Variants in PUF60 observed in about 807,000 individuals in gnomAD.
PUF60 encodes the protein poly(U)-binding-splicing factor PUF60.
Under a neutral mutation model 61.8 loss-of-function variants are expected in PUF60, and 10 were observed. That is an observed-to-expected ratio of 0.16 (90% CI 0.10 to 0.27). The LOEUF (loss-of-function observed/expected upper bound fraction) is 0.27, where lower values mean the gene tolerates loss of function less well. PUF60 is among the 10% of genes least tolerant of loss of function. PUF60 has a pLI of 1.00. For synonymous variants in PUF60, 353 were observed against 300.9 expected, an observed-to-expected ratio of 1.17 and a Z score of -1.79; for missense variants, 371 against 754.0, an observed-to-expected ratio of 0.49 and a Z score of 5.95.
At chr8:143,821,990 GCA>G (rs1465086438) in intron 2 of PUF60, 77 bp from the exon 3 acceptor site, 5 of 1,096,634 alleles carry the variant, frequency 4.6e-6, no homozygotes, top group South Asian at 1.5e-5. Flanking sequence ...GCCACCCCTA[GCA>G]CAGACTGTCC....
rs879897884 is a variant in PUF60 at position 143,824,235 on chromosome 8, CCCA to C, written c.111+75_111+77del. 7,086 of 1,448,220 alleles carry C rather than the reference CCCA, an allele frequency of 4.9e-3. 23 individuals carry two copies. Among genetic ancestry groups the C allele is most frequent in the Non-Finnish European group, 5.6e-3 (5,954 of 1,062,182 alleles). The allele number at this position is 1,448,220 out of a possible 1,614,324, so 89.7% of individuals were successfully genotyped here. On this transcript the variant is annotated intron_variant, in intron 2 of 11. Transcript: ENST00000526683. The stretch of plus-strand genomic sequence containing the variant: ...CCGCCCCCAGCCAGCCCTCTCTGGG[CCCA>C]GGGACGCACAGGCAGGCGGGCGGGC...
rs1162316513 is a variant in PUF60, at chr8:143,817,174, T to C, written c.1145-29A>G. 1.3e-6 allele frequency: 2 copies of C among 1,557,380 alleles called. No individual in the cohort carries two copies. Among genetic ancestry groups the C allele is most frequent in the Non-Finnish European group, 1.7e-6 (2 of 1,150,086 alleles). The stretch of plus-strand genomic sequence containing the variant: ...CAGGAAAACCAACCAGGTCCATCAG[T>C]CACTCCCTACCACCCCCCTTCCCAG... On this transcript the variant is annotated intron_variant, in intron 10 of 11. Transcript: ENST00000526683. This position sits in a 1 kb window ranked among gnomAD's most constrained non-coding sequence, Gnocchi z 7.4.
At chr8:143,824,070 G>A (rs1185672369) in intron 2 of PUF60, among the ~76,000 whole-genome samples, 3 of 152,272 alleles carry the variant, frequency 2.0e-5, no homozygotes, top group Non-Finnish European at 4.4e-5. Flanking sequence ...CTGGTGCTTG[G>A]AGCAGGGCAG....
chr8:143,827,259 C>A (rs1014247040), intron 1 of PUF60: 8 of 410,664 alleles, frequency 1.9e-5, no homozygotes, highest in African/African-American at 1.2e-4. Context: ...ACATTGCAGG[C>A]TGGGGCCTAC....
Position 143,817,679 on chromosome 8 carries a change from C to T in PUF60, c.921G>A (p.Met307Ile). The T allele has an allele frequency of 6.2e-7, 1 of 1,612,662 alleles. No individual in the cohort carries two copies. The highest frequency in any genetic ancestry group is 8.5e-7 in the Non-Finnish European group (1 of 1,179,866). ...CAGGCGTGGCTGGTGTGAGTAGGGG[C>T]ATGGGCGGTGTGACAGCCTTGCCCA... is the stretch of plus-strand genomic sequence containing the variant. ...LRVGKAVTPP[M>I]PLLTPATPGG... Residue 307 changes from methionine (M) to isoleucine (I), a missense_variant, in exon 9 of 12, where the codon ATG becomes ATA. By Grantham distance (10) the Met-to-Ile change is conservative. Coordinates refer to ENST00000526683, the MANE Select transcript of PUF60 (RefSeq NM_078480.3). This position sits in a 1 kb window ranked among gnomAD's most constrained non-coding sequence, Gnocchi z 7.4.
intron 1 of PUF60, among the ~76,000 whole-genome samples, chr8:143,828,629 C>A (rs1385470336): frequency 2.0e-5 from 3 of 152,198 alleles, no homozygotes; most frequent in African/African-American, 4.8e-5. Flanking sequence ...CACTAGACCT[C>A]CAACTGCCTG....
In PUF60 at chr8:143,818,220, C is replaced by G. The variant is rs764109468; in HGVS notation, c.576G>C (p.Ser192=). Residue 192 remains serine, a synonymous_variant, in exon 7 of 12, where the codon TCG becomes TCC. Coordinates refer to ENST00000526683, the MANE Select transcript of PUF60 (RefSeq NM_078480.3). This position sits in a 1 kb window ranked among gnomAD's most constrained non-coding sequence, Gnocchi z 7.9. ...AAQLALEQMN[S]VMLGGRNIKV... ...TGATGTTCCTGCCCCCCAGCATCAC[C>G]GAGTTCATCTGCTCCAAGGCCAGCT... 1.9e-6 allele frequency: 3 copies of G among 1,611,402 alleles called. No individual in the cohort carries two copies. The African/African-American group carries it at 4.0e-5, about 22-fold the overall frequency.
rs4875064 is a variant in PUF60, at chr8:143,822,826, G to A, written c.112-913C>T. On this transcript the variant is annotated intron_variant, in intron 2 of 11. Coordinates refer to ENST00000526683, the MANE Select transcript of PUF60 (RefSeq NM_078480.3). ...ATGGGCAAACAGCATGCCTGCGCCT[G>A]TCCTCCAGCTCAGCAAGCACAAAGA... 6.0e-5 allele frequency: 20 copies of A among 334,272 alleles called. No homozygotes were observed. The Admixed American group carries it at 7.4e-4, about 12-fold the overall frequency. The allele number at this position is 334,272 out of a possible 1,614,324, so 20.7% of individuals were successfully genotyped here.
In PUF60 at chr8:143,822,795, T is replaced by C. The variant is rs1563835618; in HGVS notation, c.112-882A>G. The C allele has an allele frequency of 1.2e-5, 4 of 344,402 alleles. No individual in the cohort carries two copies. The East Asian group carries it at 2.3e-4, about 20-fold the overall frequency. The allele number at this position is 344,402 out of a possible 1,614,324, so 21.3% of individuals were successfully genotyped here. On this transcript the variant is annotated intron_variant, in intron 2 of 11. Transcript: ENST00000526683. ...GGCATGGCTAGCAGGCCCATCAGAG[T>C]GTGGGATGGGCAAACAGCATGCCTG...
Position 143,824,606 on chromosome 8 carries a change from C to A in PUF60, c.25-207G>T, listed in dbSNP as rs1586607148. 18 of 593,344 alleles carry A rather than the reference C, an allele frequency of 3.0e-5. No individual in the cohort carries two copies. In the East Asian group the frequency reaches 4.9e-4, roughly 16 times the overall value. 36.8% of individuals were successfully genotyped at this position (593,344 alleles called of 1,614,324 possible). On this transcript the variant is annotated intron_variant, in intron 1 of 11. Transcript: ENST00000526683. ...GGACCCAGTCAGAAGCAGAGCGGAGCATGGGCTGGGCCAGGGCTGCCAGCG... is the reference window on the plus strand; with the variant it reads ...GGACCCAGTCAGAAGCAGAGCGGAGAATGGGCTGGGCCAGGGCTGCCAGCG...
At position 143,818,134 on chromosome 8, in the gene PUF60, T is replaced by G. The variant is rs1816579419; in HGVS notation, c.603+59A>C. On this transcript the variant is annotated intron_variant, in intron 7 of 11. Coordinates refer to ENST00000526683, the MANE Select transcript of PUF60 (RefSeq NM_078480.3). The surrounding 1 kb of genome is among the most constrained non-coding windows in gnomAD (Gnocchi z 7.9). ...CAACCCAGGCCCGGCCACAAAAGGC[T>G]TCCGTGGAGGGGCAGCCCTGCACGC... The G allele has an allele frequency of 1.2e-6, 2 of 1,601,942 alleles. No individual in the cohort carries two copies. The highest frequency in any genetic ancestry group is 1.7e-6 in the Non-Finnish European group (2 of 1,174,536).
At chr8:143,828,673 C>T (rs534783170) in intron 1 of PUF60, among the ~76,000 whole-genome samples, 138 of 152,310 alleles carry the variant, frequency 9.1e-4, no homozygotes, top group African/African-American at 2.8e-3. Flanking sequence ...GATCCTCCCG[C>T]AGAGCTGGGG....
chr8:143,822,258 G>C (rs1000594091), intron 2 of PUF60, among the ~76,000 whole-genome samples: 1 of 152,166 alleles, frequency 6.6e-6, no homozygotes, highest in African/African-American at 2.4e-5. Flanking sequence ...TCACATGCCC[G>C]GCAGGAGAGC....
Position 143,821,568 on chromosome 8 carries a change from G to A in PUF60, c.297+29C>T, listed in dbSNP as rs574662760. ...GAGGAGATGGTGGCTGTGGTGGGGA[G>A]GGCGGTAGAGGCTCCGGCCGGGGCT... is the stretch of plus-strand genomic sequence containing the variant. On this transcript the variant is annotated intron_variant, in intron 4 of 11. Transcript: ENST00000526683. 254 of 1,522,178 alleles carry A rather than the reference G, an allele frequency of 1.7e-4. No homozygotes were observed. In the East Asian group the frequency reaches 5.7e-3, roughly 34 times the overall value. The allele number at this position is 1,522,178 out of a possible 1,614,324, so 94.3% of individuals were successfully genotyped here. A position where few individuals can be genotyped will look rare whatever the true frequency, so the allele number is the denominator to read the frequency against.
At position 143,817,313 on chromosome 8, in the gene PUF60, G is replaced by T; in HGVS notation, c.1144+18C>A. On this transcript the variant is annotated intron_variant, in intron 10 of 11. Coordinates refer to ENST00000526683, the MANE Select transcript of PUF60 (RefSeq NM_078480.3). This position sits in a 1 kb window ranked among gnomAD's most constrained non-coding sequence, Gnocchi z 7.4. ...CCAGGACAGGAGAGGAGAGGATCTG[G>T]TACCACTTAAGACTCACCTGTGATG... is the stretch of plus-strand genomic sequence containing the variant. The T allele has an allele frequency of 6.3e-7, 1 of 1,577,890 alleles. No homozygotes were observed. The highest frequency in any genetic ancestry group is 2.2e-5 in the East Asian group (1 of 44,496).
Position 143,817,833 on chromosome 8 carries a change from C to A in PUF60, c.817+29G>T, listed in dbSNP as rs756104126. Reference sequence around the variant, plus strand: ...GGGCCAGCCCCAGCCTCAGGTGGCCCCCATCCCGCCTCAGCCACCCCAGCT... The same window carrying A: ...GGGCCAGCCCCAGCCTCAGGTGGCCACCATCCCGCCTCAGCCACCCCAGCT... On this transcript the variant is annotated intron_variant, in intron 8 of 11. Coordinates refer to ENST00000526683, the MANE Select transcript of PUF60 (RefSeq NM_078480.3). This position sits in a 1 kb window ranked among gnomAD's most constrained non-coding sequence, Gnocchi z 7.4. The A allele has an allele frequency of 2.5e-5, 40 of 1,608,406 alleles. No individual in the cohort carries two copies. Among genetic ancestry groups the A allele is most frequent in the Non-Finnish European group, 3.4e-5 (40 of 1,177,306 alleles).
chr8:143,821,802 G>A lies in PUF60; in HGVS notation c.207+16C>T, dbSNP rs1276487385. On this transcript the variant is annotated intron_variant, in intron 3 of 11. Transcript: ENST00000526683. ...ACTGTCCCACACCTGCAGTGCCCTG[G>A]GAGGTCCATGCTCACCTTCTGAAGG... 1 of 1,606,748 alleles carries A rather than the reference G, an allele frequency of 6.2e-7. No homozygotes were observed. The highest frequency in any genetic ancestry group is 8.5e-7 in the Non-Finnish European group (1 of 1,177,464).
At chr8:143,821,558 G>A (rs761448106) in intron 4 of PUF60, 39 bp downstream of exon 4, 28 of 1,487,672 alleles carry the variant, frequency 1.9e-5, no homozygotes, top group Non-Finnish European at 4.5e-6. Context: ...GATGGTGGCT[G>A]TGGTGGGGAG....
intron 1 of PUF60, among the ~76,000 whole-genome samples, chr8:143,825,510 C>A (rs182760558): frequency 6.6e-6 from 1 of 152,180 alleles, no homozygotes; most frequent in East Asian, 1.9e-4. Flanking sequence ...GCATGCACAG[C>A]CAGAGCAGAG....
Sources: allele counts gnomAD v4.1 joint callset (sites outside exome capture counted in the v4.1 genomes callset), GRCh38; gene constraint gnomAD v4.1.1; non-coding constraint Gnocchi (gnomAD v3.1); transcripts MANE v1.5; gene names NCBI Gene and HGNC (gene_info 2026-07-23, HGNC 2026-07-21).